Variants in FZD1 observed in about 807,000 individuals in gnomAD.
FZD1 encodes the protein frizzled-1.
FZD1 carries 22 observed loss-of-function variants against 48.0 expected under a neutral mutation model. The observed-to-expected ratio is 0.46, with a 90% CI of 0.33 to 0.65. The LOEUF (loss-of-function observed/expected upper bound fraction) is 0.65. FZD1 is among the 30% of genes least tolerant of loss of function. The pLI is 0.02. For synonymous variants in FZD1, 486 were observed against 409.6 expected, an observed-to-expected ratio of 1.19 and a Z score of -2.25; for missense variants, 843 against 898.1, an observed-to-expected ratio of 0.94 and a Z score of 0.78.
chr7:91,270,161 T>C lies in FZD1; in HGVS notation c.*3337T>C, dbSNP rs1394846839. ...TTCCATGACAAACCCTATTTTCAGA[T>C]GGTTTGATTTGCCTATTTTTTTTTT... On this transcript the variant is annotated 3_prime_UTR_variant, in exon 1 of 1. Transcript: ENST00000287934. 1 of 167,016 alleles carries C rather than the reference T, an allele frequency of 6.0e-6. No individual in the cohort carries two copies. Among genetic ancestry groups the C allele is most frequent in the African/African-American group, 2.4e-5 (1 of 41,424 alleles). 10.3% of individuals were successfully genotyped at this position (167,016 alleles called of 1,614,324 possible).
In FZD1 at chr7:91,265,379, T is replaced by G. The variant is rs1563007675; in HGVS notation, c.499T>G (p.Phe167Val). Residue 167 changes from phenylalanine (F) to valine (V), a missense_variant, in exon 1 of 1, where the codon TTC becomes GTC. This residue lies in a region of FZD1 where 490 missense variants were observed against 466.5 expected (regional missense o/e 1.05). Transcript: ENST00000287934. The surrounding 1 kb of genome is among the most constrained non-coding windows in gnomAD (Gnocchi z 6.9). ...AGTGCAGTGTTCCGCTGAGCTCAAGTTCTTCCTGTGCTCCATGTACGCGCC... is the reference window on the plus strand; with the variant it reads ...AGTGCAGTGTTCCGCTGAGCTCAAGGTCTTCCTGTGCTCCATGTACGCGCC... ...VKVQCSAELKFFLCSMYAPVC... is the reference protein window; with the variant it reads ...VKVQCSAELKVFLCSMYAPVC... 2 of 1,613,962 alleles carry G rather than the reference T, an allele frequency of 1.2e-6. No individual in the cohort carries two copies. The highest frequency in any genetic ancestry group is 1.7e-6 in the Non-Finnish European group (2 of 1,179,908).
At position 91,266,555 on chromosome 7, in the gene FZD1, C is replaced by CT; in HGVS notation, c.1675_1676insT (p.Gln559LeufsTer48). On this transcript the variant is annotated frameshift_variant, in exon 1 of 1. Transcript: ENST00000287934. LOFTEE classifies it high-confidence loss of function. This position sits in a 1 kb window ranked among gnomAD's most constrained non-coding sequence, Gnocchi z 6.8. ...CGTCATCGCCTGCTACTTCTACGAG[C>CT]AGGCCTTCCGGGACCAGTGGGAACG... The CT allele has an allele frequency of 1.2e-6, 2 of 1,613,894 alleles. No individual in the cohort carries two copies. The highest frequency in any genetic ancestry group is 1.7e-6 in the Non-Finnish European group (2 of 1,180,028).
chr7:91,265,656 G>T lies in FZD1; in HGVS notation c.776G>T (p.Arg259Leu). The T allele has an allele frequency of 6.4e-7, 1 of 1,567,138 alleles. No homozygotes were observed. Among genetic ancestry groups the T allele is most frequent in the Non-Finnish European group, 8.6e-7 (1 of 1,159,848 alleles). ...SNPQHGGGGH[R>L]GGFPGGAGAS... ...CCTCAGCACGGCGGCGGAGGGCACC[G>T]TGGCGGCTTCCCGGGGGGCGCCGGC... Residue 259 changes from arginine (R) to leucine (L), a missense_variant, in exon 1 of 1, where the codon CGT becomes CTT. Arg to Leu is a moderately radical substitution (Grantham distance 102). Transcript: ENST00000287934. The surrounding 1 kb of genome is among the most constrained non-coding windows in gnomAD (Gnocchi z 6.9).
rs1201418630 is a variant in FZD1 at position 91,266,653 on chromosome 7, G to A, written c.1773G>A (p.Pro591=). The change falls in exon 1 of 1, where the codon CCG becomes CCA. Residue 591 remains proline, a synonymous_variant. Coordinates refer to ENST00000287934, the MANE Select transcript of FZD1 (RefSeq NM_003505.2). This position sits in a 1 kb window ranked among gnomAD's most constrained non-coding sequence, Gnocchi z 6.8. The part of the protein sequence containing the change: ...CPHLQAGGGA[P]PHPPMSPDFT... ...ACCTCCAGGCGGGCGGAGGCGCCCC[G>A]CCGCACCCGCCCATGAGCCCGGACT... 2 of 1,497,854 alleles carry A rather than the reference G, an allele frequency of 1.3e-6. No individual in the cohort carries two copies. Among genetic ancestry groups the A allele is most frequent in the Non-Finnish European group, 9.3e-7 (1 of 1,078,992 alleles). 92.8% of individuals were successfully genotyped at this position (1,497,854 alleles called of 1,614,324 possible).
chr7:91,266,147 C>G lies in FZD1; in HGVS notation c.1267C>G (p.Leu423Val), dbSNP rs779097158. ...SMASSIWWVI[L>V]SLTWFLAAGM... is the part of the protein sequence containing the mutation. ...GGCCAGCTCCATCTGGTGGGTGATC[C>G]TGTCGCTCACCTGGTTCCTGGCGGC... The change falls in exon 1 of 1, where the codon CTG (leucine) becomes GTG (valine). Residue 423 changes from leucine to valine, a missense_variant. Physicochemically the swap from Leu to Val is conservative, Grantham distance 32. Coordinates refer to ENST00000287934, the MANE Select transcript of FZD1 (RefSeq NM_003505.2). This position sits in a 1 kb window ranked among gnomAD's most constrained non-coding sequence, Gnocchi z 6.8. The G allele has an allele frequency of 6.2e-6, 10 of 1,614,234 alleles. No individual in the cohort carries two copies. The highest frequency in any genetic ancestry group is 8.5e-6 in the Non-Finnish European group (10 of 1,180,036).
At position 91,266,399 on chromosome 7, in the gene FZD1, C is replaced by A. The variant is rs763198469; in HGVS notation, c.1519C>A (p.Leu507Met). ...CCTGTTTATCGGCACGTCCTTTCTG[C>A]TGGCCGGCTTTGTGTCGCTCTTCCG... Reference protein sequence around the residue: ...VYLFIGTSFLLAGFVSLFRIR... With the variant: ...VYLFIGTSFLMAGFVSLFRIR... Residue 507 changes from leucine (L) to methionine (M), a missense_variant, in exon 1 of 1, where the codon CTG (leucine) becomes ATG (methionine). Coordinates refer to ENST00000287934, the MANE Select transcript of FZD1 (RefSeq NM_003505.2). This position sits in a 1 kb window ranked among gnomAD's most constrained non-coding sequence, Gnocchi z 6.8. 3.6e-5 allele frequency: 58 copies of A among 1,614,080 alleles called. No homozygotes were observed. The East Asian group carries it at 1.2e-3, about 32-fold the overall frequency.
rs1803873189 is a variant in FZD1, at chr7:91,265,981, G to A, written c.1101G>A (p.Val367=). Residue 367 remains valine (V), a synonymous_variant, in exon 1 of 1, where the codon GTG becomes GTA. Coordinates refer to ENST00000287934, the MANE Select transcript of FZD1 (RefSeq NM_003505.2). This position sits in a 1 kb window ranked among gnomAD's most constrained non-coding sequence, Gnocchi z 6.9. The part of the protein sequence containing the change: ...FLSGCYTAVA[V]AYIAGFLLED... ...CCGGCTGTTACACGGCCGTGGCCGT[G>A]GCCTACATCGCCGGCTTCCTCCTGG... The A allele has an allele frequency of 6.2e-7, 1 of 1,614,038 alleles. No individual in the cohort carries two copies. The highest frequency in any genetic ancestry group is 8.5e-7 in the Non-Finnish European group (1 of 1,180,042).
rs368194642 is a variant in FZD1, at chr7:91,266,683, G to A, written c.1803G>A (p.Thr601=). Residue 601 remains threonine, a synonymous_variant, in exon 1 of 1, where the codon ACG becomes ACA. Transcript: ENST00000287934. The surrounding 1 kb of genome is among the most constrained non-coding windows in gnomAD (Gnocchi z 6.8). ...ACCCGCCCATGAGCCCGGACTTCAC[G>A]GTCTTCATGATTAAGTACCTTATGA... ...PPHPPMSPDF[T]VFMIKYLMTL... is the part of the protein sequence containing the mutation. 4 of 1,612,250 alleles carry A rather than the reference G, an allele frequency of 2.5e-6. No individual in the cohort carries two copies. The highest frequency in any genetic ancestry group is 2.7e-5 in the African/African-American group (2 of 74,892).
In FZD1 at chr7:91,268,112, A is replaced by G. The variant is rs1803916070; in HGVS notation, c.*1288A>G. On this transcript the variant is annotated 3_prime_UTR_variant, in exon 1 of 1. Transcript: ENST00000287934. The stretch of plus-strand genomic sequence containing the variant: ...AGTGTCATGGACTTCCTCAAAATGA[A>G]GTGCTATTTTCTTATTTTTAATCAA... 6.0e-6 allele frequency: 1 copy of G among 167,064 alleles called. No individual in the cohort carries two copies. Among genetic ancestry groups the G allele is most frequent in the African/African-American group, 2.4e-5 (1 of 41,478 alleles). The allele number at this position is 167,064 out of a possible 1,614,324, so 10.3% of individuals were successfully genotyped here. A position where few individuals can be genotyped will look rare whatever the true frequency, so the allele number is the denominator to read the frequency against.
Position 91,264,526 on chromosome 7 carries a change from AG to A in FZD1, c.-349del, listed in dbSNP as rs573089082. 1.9e-5 allele frequency: 6 copies of A among 320,530 alleles called. No individual in the cohort carries two copies. Among genetic ancestry groups the A allele is most frequent in the Non-Finnish European group, 1.7e-5 (3 of 175,410 alleles). The allele number at this position is 320,530 out of a possible 1,614,324, so 19.9% of individuals were successfully genotyped here. A position where few individuals can be genotyped will look rare whatever the true frequency, so the allele number is the denominator to read the frequency against. ...GCGGCGGAGAAGGAGGCGGAGGCGC[AG>A]GGGGGAGCCGAGCCCGCTGGGCTGC... On this transcript the variant is annotated 5_prime_UTR_variant, in exon 1 of 1. An upstream open reading frame in the 5' UTR loses its in-frame stop. Coordinates refer to ENST00000287934, the MANE Select transcript of FZD1 (RefSeq NM_003505.2).
rs1240724861 is a variant in FZD1, at chr7:91,270,445, GGT to G, written c.*3622_*3623del. 2 of 166,962 alleles carry G rather than the reference GGT, an allele frequency of 1.2e-5. No individual in the cohort carries two copies. The highest frequency in any genetic ancestry group is 4.8e-5 in the African/African-American group (2 of 41,382). The allele number at this position is 166,962 out of a possible 1,614,324, so 10.3% of individuals were successfully genotyped here. On this transcript the variant is annotated 3_prime_UTR_variant, in exon 1 of 1. Coordinates refer to ENST00000287934, the MANE Select transcript of FZD1 (RefSeq NM_003505.2). ...CTTGTCAGCCTGAGTTTACTGGCCT[GGT>G]CCTTTTGTCTCCACTGTAAGTACTG...
At position 91,268,925 on chromosome 7, in the gene FZD1, C is replaced by G. The variant is rs149136490; in HGVS notation, c.*2101C>G. 2.8e-3 allele frequency: 465 copies of G among 166,966 alleles called. 2 individuals carry two copies. Among genetic ancestry groups the G allele is most frequent in the Non-Finnish European group, 2.2e-3 (149 of 68,062 alleles). 10.3% of individuals were successfully genotyped at this position (166,966 alleles called of 1,614,324 possible). On this transcript the variant is annotated 3_prime_UTR_variant, in exon 1 of 1. Coordinates refer to ENST00000287934, the MANE Select transcript of FZD1 (RefSeq NM_003505.2). The stretch of plus-strand genomic sequence containing the variant: ...CATTTGTGAAGTCCCAAGAAAAGAT[C>G]TGTTTTCATGACAGTAGAAAATAGA...
In FZD1 at chr7:91,266,637, C is replaced by A. The variant is rs200835205; in HGVS notation, c.1757C>A (p.Ala586Glu). The change falls in exon 1 of 1, where the codon GCG (alanine) becomes GAG (glutamate). Residue 586 changes from alanine (A) to glutamate (E), a missense_variant. By Grantham distance (107) the Ala-to-Glu change is moderately radical (BLOSUM62 -1). This residue lies in a region of FZD1 where 353 missense variants were observed against 431.6 expected (regional missense o/e 0.82). Transcript: ENST00000287934. This position sits in a 1 kb window ranked among gnomAD's most constrained non-coding sequence, Gnocchi z 6.8. ...SYAIPCPHLQAGGGAPPHPPM... is the reference protein window; with the variant it reads ...SYAIPCPHLQEGGGAPPHPPM... ...GCTATCCCCTGCCCTCACCTCCAGG[C>A]GGGCGGAGGCGCCCCGCCGCACCCG... 1.4e-4 allele frequency: 228 copies of A among 1,611,020 alleles called. No homozygotes were observed. The highest frequency in any genetic ancestry group is 2.8e-4 in the Admixed American group (17 of 59,966).
Position 91,268,070 on chromosome 7 carries a change from A to T in FZD1, c.*1246A>T, listed in dbSNP as rs1208726385. Reference sequence around the variant, plus strand: ...CAGCAAAACGTAAACAGAAATTGAAAACTTGAAGGATATTTCAGTGTCATG... The same window carrying T: ...CAGCAAAACGTAAACAGAAATTGAATACTTGAAGGATATTTCAGTGTCATG... On this transcript the variant is annotated 3_prime_UTR_variant, in exon 1 of 1. Transcript: ENST00000287934. 1 of 167,092 alleles carries T rather than the reference A, an allele frequency of 6.0e-6. No individual in the cohort carries two copies. Among genetic ancestry groups the T allele is most frequent in the Non-Finnish European group, 1.5e-5 (1 of 68,120 alleles). 10.4% of individuals were successfully genotyped at this position (167,092 alleles called of 1,614,324 possible).
Position 91,264,905 on chromosome 7 carries a change from A to G in FZD1, c.25A>G (p.Lys9Glu). 1 of 1,320,438 alleles carries G rather than the reference A, an allele frequency of 7.6e-7. No individual in the cohort carries two copies. Among genetic ancestry groups the G allele is most frequent in the South Asian group, 2.2e-5 (1 of 46,116 alleles). The allele number at this position is 1,320,438 out of a possible 1,614,324, so 81.8% of individuals were successfully genotyped here. ...TATGGCTGAGGAGGAGGCGCCTAAG[A>G]AGTCCCGGGCCGCCGGCGGTGGCGC... is the stretch of plus-strand genomic sequence containing the variant. Reference protein sequence around the residue: MAEEEAPKKSRAAGGGASW... With the variant: MAEEEAPKESRAAGGGASW... Residue 9 changes from lysine to glutamate, a missense_variant, in exon 1 of 1, where the codon AAG (lysine) becomes GAG (glutamate). By Grantham distance (56) the Lys-to-Glu change is moderately conservative. Around this residue, in one of 2 missense-constraint regions of FZD1, gnomAD observed 490 missense variants for 466.5 expected, o/e 1.05. Coordinates refer to ENST00000287934, the MANE Select transcript of FZD1 (RefSeq NM_003505.2).
In FZD1 at chr7:91,267,148, G is replaced by C. The variant is rs772167474; in HGVS notation, c.*324G>C. ...GTATTTAAATGACGACCGATCACGC[G>C]TTTTTCTTTTTCAAAAGTTTTTAAT... On this transcript the variant is annotated 3_prime_UTR_variant, in exon 1 of 1. Coordinates refer to ENST00000287934, the MANE Select transcript of FZD1 (RefSeq NM_003505.2). The C allele has an allele frequency of 8.8e-6, 2 of 227,824 alleles. No individual in the cohort carries two copies. The highest frequency in any genetic ancestry group is 9.3e-6 in the Non-Finnish European group (1 of 108,094). 14.1% of individuals were successfully genotyped at this position (227,824 alleles called of 1,614,324 possible).
rs923926524 is a variant in FZD1, at chr7:91,268,656, TTATATA to T, written c.*1839_*1844del. ...TCTATATTTATAGAGGAATAGAAGTTTATATATATATAATACCATATTTTTAATTTC... is the reference window on the plus strand; with the variant it reads ...TCTATATTTATAGAGGAATAGAAGTTTATATAATACCATATTTTTAATTTC... On this transcript the variant is annotated 3_prime_UTR_variant, in exon 1 of 1. Coordinates refer to ENST00000287934, the MANE Select transcript of FZD1 (RefSeq NM_003505.2). 6.0e-6 allele frequency: 1 copy of T among 166,050 alleles called. No homozygotes were observed. Among genetic ancestry groups the T allele is most frequent in the South Asian group, 2.1e-4 (1 of 4,806 alleles). The allele number at this position is 166,050 out of a possible 1,614,324, so 10.3% of individuals were successfully genotyped here.
rs1036532382 is a variant in FZD1 at position 91,265,748 on chromosome 7, T to C, written c.868T>C (p.Phe290Leu). The change falls in exon 1 of 1, where the codon TTC becomes CTC. Residue 290 changes from phenylalanine (F) to leucine (L), a missense_variant. Around this residue, in one of 2 missense-constraint regions of FZD1, gnomAD observed 490 missense variants for 466.5 expected, o/e 1.05. Transcript: ENST00000287934. The surrounding 1 kb of genome is among the most constrained non-coding windows in gnomAD (Gnocchi z 6.9). The part of the protein sequence containing the change: ...LKVPSYLNYH[F>L]LGEKDCGAPC... ...GGTGCCCTCCTACCTCAACTACCAC[T>C]TCCTGGGGGAGAAGGACTGCGGCGC... 1.2e-5 allele frequency: 19 copies of C among 1,612,066 alleles called. No homozygotes were observed. The highest frequency in any genetic ancestry group is 1.6e-5 in the Non-Finnish European group (19 of 1,178,838).
Position 91,264,949 on chromosome 7 carries a change from C to T in FZD1, c.69C>T (p.Ala23=). 1.5e-6 allele frequency: 2 copies of T among 1,349,666 alleles called. No individual in the cohort carries two copies. The highest frequency in any genetic ancestry group is 1.9e-6 in the Non-Finnish European group (2 of 1,055,002). The allele number at this position is 1,349,666 out of a possible 1,614,324, so 83.6% of individuals were successfully genotyped here. Residue 23 remains alanine (A), a synonymous_variant, in exon 1 of 1, where the codon GCC becomes GCT. Transcript: ENST00000287934. Reference sequence around the variant, plus strand: ...GTGGCGCGAGCTGGGAACTTTGTGCCGGGGCGCTCTCGGCCCGGCTGGCGG... The same window carrying T: ...GTGGCGCGAGCTGGGAACTTTGTGCTGGGGCGCTCTCGGCCCGGCTGGCGG... The part of the protein sequence containing the change: ...AGGGASWELC[A]GALSARLAEE...
Sources: gnomAD v4.1 joint callset for allele counts on GRCh38, gnomAD v4.1.1 for gene constraint, gnomAD v4.1.1 regional missense constraint, Gnocchi (gnomAD v3.1) non-coding constraint, MANE v1.5 for transcripts, NCBI Gene and HGNC (gene_info 2026-07-23, HGNC 2026-07-21) for gene names.